The following PSD3 variants were observed in gnomAD, a reference collection of about 807,000 sequenced individuals.
The protein encoded by PSD3 is PH and SEC7 domain-containing protein 3.
A neutral mutation model predicts 105.5 loss-of-function variants in PSD3; 49 were observed. That is an observed-to-expected ratio of 0.46 (90% CI 0.37 to 0.59). The LOEUF (loss-of-function observed/expected upper bound fraction) is 0.59. Ranked by LOEUF, PSD3 falls within the 20% of genes least tolerant of loss-of-function variation. The pLI, the probability that PSD3 is intolerant of heterozygous loss-of-function variation, is 0.00. For synonymous variants in PSD3, 557 were observed against 457.8 expected (o/e 1.22, Z -2.77); for missense variants, 1,561 against 1,263.8 (o/e 1.24, Z -3.57).
chr8:18,659,139 T>A (rs1298942508), intron 9 of PSD3, among the ~76,000 whole-genome samples: 2 of 152,162 alleles, frequency 1.3e-5, no homozygotes, highest in Non-Finnish European at 2.9e-5. Flanking sequence ...TGGGTATTAA[T>A]GAAGGGCAGC....
At chr8:18,791,619 T>C (rs765688799) in intron 8 of PSD3, among the ~76,000 whole-genome samples, 2 of 151,870 alleles carry the variant, frequency 1.3e-5, no homozygotes, top group Non-Finnish European at 2.9e-5. Flanking sequence ...CCAAAACCAA[T>C]AAAACCCTAA....
chr8:18,815,695 C>T (rs953566742), intron 4 of PSD3, among the ~76,000 whole-genome samples: 20 of 152,134 alleles, frequency 1.3e-4, no homozygotes, highest in Admixed American at 3.9e-4. Context: ...TTTGGAACTG[C>T]GTATCTGTTC....
rs112053834 is a variant in PSD3 at position 18,846,916 on chromosome 8, A to G, written c.1634+20758T>C. Among the ~76,000 whole-genome samples, 512 of 152,204 alleles carry G rather than the reference A, an allele frequency of 3.4e-3. 5 individuals are homozygous for G. Among genetic ancestry groups the G allele is most frequent in the African/African-American group, 0.011 (468 of 41,512 alleles). Reference sequence around the variant, plus strand: ...TCAGAAACGGGTAGGTGACACAGCCAAAGACAGAGCTCATGTGAAGTACCA... The same window carrying G: ...TCAGAAACGGGTAGGTGACACAGCCGAAGACAGAGCTCATGTGAAGTACCA... On this transcript the variant is annotated intron_variant, in intron 4 of 15. Transcript: ENST00000327040.
At chr8:18,572,786 T>G (rs1802223133) in intron 13 of PSD3, 114 bp from the exon 14 acceptor site, 4 of 1,188,118 alleles carry the variant, frequency 3.4e-6, no homozygotes, top group Non-Finnish European at 3.6e-6. Flanking sequence ...TTACTCCTCC[T>G]GGTACAACTA....
At chr8:18,881,897 C>G (rs1243666817) in intron 2 of PSD3, among the ~76,000 whole-genome samples, 2 of 152,090 alleles carry the variant, frequency 1.3e-5, no homozygotes, top group African/African-American at 4.8e-5. Context: ...GTCCCAGAAC[C>G]AATAGGATAC....
At chr8:18,922,829 G>C (rs1001533237) in intron 2 of PSD3, among the ~76,000 whole-genome samples, 4 of 152,126 alleles carry the variant, frequency 2.6e-5, no homozygotes, top group African/African-American at 9.7e-5. Flanking sequence ...CTGTTACAAA[G>C]GATACAGATA....
At chr8:18,640,487 A>G (rs1391849084) in intron 10 of PSD3, among the ~76,000 whole-genome samples, 1 of 152,106 alleles carries the variant, frequency 6.6e-6, no homozygotes, top group Non-Finnish European at 1.5e-5. Context: ...TGTGATATTA[A>G]GTTCTCGTGA....
chr8:18,585,750 T>A (rs564518466), intron 12 of PSD3, among the ~76,000 whole-genome samples: 1 of 152,248 alleles, frequency 6.6e-6, no homozygotes, highest in East Asian at 1.9e-4. Context: ...GCAACAGGTG[T>A]TTTCATGTAT....
At chr8:18,817,964 G>C (rs1331972190) in intron 4 of PSD3, among the ~76,000 whole-genome samples, 1 of 152,048 alleles carries the variant, frequency 6.6e-6, no homozygotes, top group Non-Finnish European at 1.5e-5. Flanking sequence ...TTTGGTTTTG[G>C]TTTTTTTGAG....
At chr8:18,870,556 G>C (rs1281337583) in intron 3 of PSD3, among the ~76,000 whole-genome samples, 1 of 152,076 alleles carries the variant, frequency 6.6e-6, no homozygotes, top group African/African-American at 2.4e-5. Flanking sequence ...GGGAGGGATG[G>C]CATTAGGAGA....
chr8:18,781,690 A>AG (rs1309528826), intron 8 of PSD3, among the ~76,000 whole-genome samples: 3 of 152,262 alleles, frequency 2.0e-5, no homozygotes, highest in Non-Finnish European at 4.4e-5. Context: ...AAGGCCTTTC[A>AG]GGGTAGAATA....
intron 1 of PSD3, among the ~76,000 whole-genome samples, chr8:19,047,158 C>T (rs549775569): frequency 6.6e-6 from 1 of 152,160 alleles, no homozygotes; most frequent in Non-Finnish European, 1.5e-5. Context: ...GCTTAAGAGC[C>T]TCGGCAGAGA....
intron 1 of PSD3, among the ~76,000 whole-genome samples, chr8:18,946,021 A>G (rs1430965695): frequency 1.3e-5 from 2 of 152,184 alleles, no homozygotes; most frequent in Non-Finnish European, 2.9e-5. Context: ...CCATAAATGT[A>G]TTTATGCTGC....
intron 10 of PSD3, among the ~76,000 whole-genome samples, chr8:18,636,187 G>A (rs953411532): frequency 6.6e-6 from 1 of 152,158 alleles, no homozygotes; most frequent in Non-Finnish European, 1.5e-5. Context: ...GTGGCCCTAA[G>A]CCAGCGTGTG....
In PSD3 at chr8:18,802,333, G is replaced by A. The variant is rs1281906071; in HGVS notation, c.1911-951C>T. On this transcript the variant is annotated intron_variant, in intron 6 of 15. Coordinates refer to ENST00000327040, the MANE Select transcript of PSD3 (RefSeq NM_015310.4). Reference sequence around the variant, plus strand: ...AGATGAATCCAGATGACCCTCACTTGACAATGTAGATTCATTTTCCTAAAC... The same window carrying A: ...AGATGAATCCAGATGACCCTCACTTAACAATGTAGATTCATTTTCCTAAAC... 1.8e-5 allele frequency: 8 copies of A among 434,066 alleles called. 1 individual carries two copies. The highest frequency in any genetic ancestry group is 1.3e-4 in the South Asian group (8 of 60,204). 26.9% of individuals were successfully genotyped at this position (434,066 alleles called of 1,614,324 possible).
chr8:18,655,688 G>A lies in PSD3; in HGVS notation c.2173-3C>T. The stretch of plus-strand genomic sequence containing the variant: ...TTCTTGATTGAGTTGTACAGAGCCT[G>A]TAAAGAGAGAAAATGAGATCACATT... On this transcript the variant is annotated splice_polypyrimidine_tract_variant and splice_region_variant and intron_variant, in intron 9 of 15. Coordinates refer to ENST00000327040, the MANE Select transcript of PSD3 (RefSeq NM_015310.4). 4.3e-6 allele frequency: 7 copies of A among 1,612,864 alleles called. No homozygotes were observed. The highest frequency in any genetic ancestry group is 5.1e-6 in the Non-Finnish European group (6 of 1,178,978).
rs79018980 is a variant in PSD3, at chr8:18,654,704, T to C, written c.2216+938A>G. ...GGAAACATTACACATTCTATTCCTC[T>C]CTTGGGGACTGATAACACACATTGG... On this transcript the variant is annotated intron_variant, in intron 10 of 15. Coordinates refer to ENST00000327040, the MANE Select transcript of PSD3 (RefSeq NM_015310.4). Among the ~76,000 whole-genome samples, 458 of 152,292 alleles carry C rather than the reference T, an allele frequency of 3.0e-3. 1 individual carries two copies. Among genetic ancestry groups the C allele is most frequent in the African/African-American group, 0.01 (431 of 41,574 alleles).
chr8:18,637,110 T>C (rs1307551985), intron 10 of PSD3, among the ~76,000 whole-genome samples: 1 of 152,202 alleles, frequency 6.6e-6, no homozygotes, highest in Non-Finnish European at 1.5e-5. Context: ...AGTAAACATA[T>C]AAAAGAGTTC....
At chr8:18,972,558 C>T (rs924126780) in intron 1 of PSD3, among the ~76,000 whole-genome samples, 8 of 152,176 alleles carry the variant, frequency 5.3e-5, no homozygotes, top group Non-Finnish European at 5.9e-5. Context: ...TGAATGTGTT[C>T]CCCCCAAATT....
Sources: allele counts gnomAD v4.1 joint callset (sites outside exome capture counted in the v4.1 genomes callset), GRCh38; gene constraint gnomAD v4.1.1; transcripts MANE v1.5; gene names NCBI Gene and HGNC (gene_info 2026-07-23, HGNC 2026-07-21).